The following PTPRN2 variants were observed in gnomAD, a reference collection of about 807,000 sequenced individuals.
PTPRN2 encodes receptor-type tyrosine-protein phosphatase N2.
A neutral mutation model predicts 118.8 loss-of-function variants in PTPRN2; 74 were observed. The observed-to-expected ratio is 0.62, with a 90% CI of 0.52 to 0.76. PTPRN2 has a LOEUF of 0.76. Among genes scored for constraint, PTPRN2 ranks in the 30% least tolerant of loss-of-function variants. The pLI is 0.00. For missense variants in PTPRN2, 1,481 were observed against 1,394.4 expected, an observed-to-expected ratio of 1.06 and a Z score of -0.99; for synonymous variants, 641 against 608.0, an observed-to-expected ratio of 1.05 and a Z score of -0.80.
intron 3 of PTPRN2, among the ~76,000 whole-genome samples, chr7:158,279,770 A>G (rs995807449): frequency 6.6e-6 from 1 of 152,182 alleles, no homozygotes; most frequent in Non-Finnish European, 1.5e-5. Context: ...CAAGCCCCAG[A>G]GAGGGGCCCC....
chr7:158,587,449 C>T, intron 1 of PTPRN2, 109 bp downstream of exon 1: 2 of 560,606 alleles, frequency 3.6e-6, no homozygotes, highest in East Asian at 1.1e-4. Flanking sequence ...TCCCCCCGAC[C>T]CCTCAGGGTG....
chr7:158,437,422 T>G (rs1816646259), intron 2 of PTPRN2, among the ~76,000 whole-genome samples: 1 of 152,218 alleles, frequency 6.6e-6, no homozygotes, highest in Non-Finnish European at 1.5e-5. Context: ...TTGTCATCTG[T>G]TTTTGTGTCT....
chr7:157,608,450 G>C (rs1399428468), intron 15 of PTPRN2, among the ~76,000 whole-genome samples: 1 of 152,194 alleles, frequency 6.6e-6, no homozygotes. Context: ...GCCAAGGGAC[G>C]CTGCAGGCTG....
intron 1 of PTPRN2, among the ~76,000 whole-genome samples, chr7:158,512,455 T>C (rs1823246928): frequency 6.6e-6 from 1 of 152,132 alleles, no homozygotes; most frequent in South Asian, 2.1e-4. Context: ...GAGCTCATGG[T>C]TAGCTTGGTA....
rs1807598380 is a variant in PTPRN2 at position 157,831,973 on chromosome 7, A to C, written c.1788+66700T>G. Among the ~76,000 whole-genome samples, 1 of 152,236 alleles carries C rather than the reference A, an allele frequency of 6.6e-6. No individual in the cohort carries two copies. The highest frequency in any genetic ancestry group is 1.5e-5 in the Non-Finnish European group (1 of 68,040). Reference sequence around the variant, plus strand: ...TTTGTCTGGCAGTTGCTTCGTCTGCATGAGGAGTGACGGCTGGGCTGCTGA... The same window carrying C: ...TTTGTCTGGCAGTTGCTTCGTCTGCCTGAGGAGTGACGGCTGGGCTGCTGA... On this transcript the variant is annotated intron_variant, in intron 12 of 22. Transcript: ENST00000389418. The surrounding 1 kb of genome is among the most constrained non-coding windows in gnomAD (Gnocchi z 4.8).
rs575998055 is a variant in PTPRN2 at position 158,003,990 on chromosome 7, G to A, written c.1723+77308C>T. Reference sequence around the variant, plus strand: ...TGTCAGCACCTTGGGAGCCTGGCCAGTGTTTCATTTCACTGAGTTCCAGAA... The same window carrying A: ...TGTCAGCACCTTGGGAGCCTGGCCAATGTTTCATTTCACTGAGTTCCAGAA... On this transcript the variant is annotated intron_variant, in intron 11 of 22. Coordinates refer to ENST00000389418, the MANE Select transcript of PTPRN2 (RefSeq NM_002847.5). The surrounding 1 kb of genome is among the most constrained non-coding windows in gnomAD (Gnocchi z 5.0). 2.0e-5 allele frequency among the ~76,000 whole-genome samples: 3 copies of A among 152,298 alleles called. No individual in the cohort carries two copies. Among genetic ancestry groups the A allele is most frequent in the South Asian group, 4.2e-4 (2 of 4,814 alleles).
chr7:158,075,774 C>T (rs1330903845), intron 11 of PTPRN2, among the ~76,000 whole-genome samples: 1 of 152,228 alleles, frequency 6.6e-6, no homozygotes, highest in Non-Finnish European at 1.5e-5. Context: ...GCTGTGGGAT[C>T]GTCAACCTCA....
intron 12 of PTPRN2, among the ~76,000 whole-genome samples, chr7:157,727,423 G>A (rs1406049707): frequency 6.6e-6 from 1 of 152,216 alleles, no homozygotes; most frequent in Non-Finnish European, 1.5e-5. Flanking sequence ...ACTGCCCAGT[G>A]AAAGAAGCCA....
At chr7:158,161,967 A>G (rs1822404123) in intron 6 of PTPRN2, among the ~76,000 whole-genome samples, 1 of 152,226 alleles carries the variant, frequency 6.6e-6, no homozygotes, top group Non-Finnish European at 1.5e-5. Flanking sequence ...ACACAGATGA[A>G]AACAAGCATG....
Position 158,563,135 on chromosome 7 carries a change from G to A in PTPRN2, c.112+24423C>T, listed in dbSNP as rs1332828973. Among the ~76,000 whole-genome samples, 8 of 152,068 alleles carry A rather than the reference G, an allele frequency of 5.3e-5. No homozygotes were observed. Among genetic ancestry groups the A allele is most frequent in the Admixed American group, 1.3e-4 (2 of 15,274 alleles). ...CAAAGAAGGTATCTGCTGGTGCAGT[G>A]CCACCGAAGAAGAGAGGTCCTACCT... On this transcript the variant is annotated intron_variant, in intron 1 of 22. Coordinates refer to ENST00000389418, the MANE Select transcript of PTPRN2 (RefSeq NM_002847.5). The surrounding 1 kb of genome is among the most constrained non-coding windows in gnomAD (Gnocchi z 5.1).
intron 14 of PTPRN2, among the ~76,000 whole-genome samples, chr7:157,653,379 G>T (rs1805805886): frequency 6.6e-6 from 1 of 152,200 alleles, no homozygotes; most frequent in Admixed American, 6.5e-5. Context: ...GCGCACAGAG[G>T]GCTGGGCTGC....
intron 1 of PTPRN2, among the ~76,000 whole-genome samples, chr7:158,584,728 TAA>T (rs1426352338): frequency 1.3e-5 from 2 of 152,170 alleles, no homozygotes; most frequent in Non-Finnish European, 2.9e-5. Context: ...GTTCTGGAAA[TAA>T]GTCAGCATCG....
chr7:157,981,757 A>G (rs1563294974), intron 11 of PTPRN2, among the ~76,000 whole-genome samples: 1 of 152,270 alleles, frequency 6.6e-6, no homozygotes, highest in Non-Finnish European at 1.5e-5. Flanking sequence ...AATTAGCAAT[A>G]CTTCGGAAAG....
Position 157,801,289 on chromosome 7 carries a change from C to T in PTPRN2, c.1788+97384G>A, listed in dbSNP as rs1031315372. ...AGCGCTGCCTTCGAGATCAGTCTCT[C>T]GACCCCTGTTAGGAGCAACGGCGGT... On this transcript the variant is annotated intron_variant, in intron 12 of 22. Coordinates refer to ENST00000389418, the MANE Select transcript of PTPRN2 (RefSeq NM_002847.5). This position sits in a 1 kb window ranked among gnomAD's most constrained non-coding sequence, Gnocchi z 4.2. Among the ~76,000 whole-genome samples, 12 of 152,260 alleles carry T rather than the reference C, an allele frequency of 7.9e-5. No individual in the cohort carries two copies. Among genetic ancestry groups the T allele is most frequent in the Middle Eastern group, 3.4e-3 (1 of 294 alleles).
rs549093455 is a variant in PTPRN2 at position 157,952,476 on chromosome 7, A to G, written c.1724-53739T>C. Among the ~76,000 whole-genome samples, 872 of 117,316 alleles carry G rather than the reference A, an allele frequency of 7.4e-3. 11 individuals are homozygous for G. The highest frequency in any genetic ancestry group is 0.022 in the Middle Eastern group (5 of 230). 77.0% of individuals were successfully genotyped at this position (117,316 alleles called of 152,430 possible). ...ATGCCTGAGACGGGGTGGGGGACAC[A>G]GGGAGACAGGCGAGGGTGGGGAGGG... On this transcript the variant is annotated intron_variant, in intron 11 of 22. Coordinates refer to ENST00000389418, the MANE Select transcript of PTPRN2 (RefSeq NM_002847.5).
At position 158,562,139 on chromosome 7, in the gene PTPRN2, C is replaced by T. The variant is rs147504047; in HGVS notation, c.112+25419G>A. Reference sequence around the variant, plus strand: ...GTCGGGTGGCCTGGAAACAACAGACCTTGATTTCTCACAGCTCTGAAGGCT... The same window carrying T: ...GTCGGGTGGCCTGGAAACAACAGACTTTGATTTCTCACAGCTCTGAAGGCT... On this transcript the variant is annotated intron_variant, in intron 1 of 22. Transcript: ENST00000389418. 9.7e-4 allele frequency among the ~76,000 whole-genome samples: 148 copies of T among 152,276 alleles called. No individual in the cohort carries two copies. In the East Asian group the frequency reaches 0.025, roughly 26 times the overall value.
At chr7:157,709,535 A>G (rs1409036624) in intron 12 of PTPRN2, among the ~76,000 whole-genome samples, 1 of 152,088 alleles carries the variant, frequency 6.6e-6, no homozygotes, top group Non-Finnish European at 1.5e-5. Flanking sequence ...TTCCCTCCCA[A>G]GTGGGCACCC....
intron 11 of PTPRN2, among the ~76,000 whole-genome samples, chr7:158,064,244 T>G (rs551611273): frequency 6.6e-6 from 1 of 152,340 alleles, no homozygotes; most frequent in African/African-American, 2.4e-5. Flanking sequence ...GCATTGACTC[T>G]GGCAACCTGA....
At chr7:158,322,490 C>T (rs529282886) in intron 2 of PTPRN2, among the ~76,000 whole-genome samples, 109 of 152,092 alleles carry the variant, frequency 7.2e-4, no homozygotes, top group Middle Eastern at 6.8e-3. Flanking sequence ...CGGTGGGCGA[C>T]GGGGAGGGAG....
Sources: allele counts gnomAD v4.1 joint callset (sites outside exome capture counted in the v4.1 genomes callset), GRCh38; gene constraint gnomAD v4.1.1; non-coding constraint Gnocchi (gnomAD v3.1); transcripts MANE v1.5; gene names NCBI Gene and HGNC (gene_info 2026-07-23, HGNC 2026-07-21).